UBE2L3: variants seen among roughly 807,000 people sequenced by gnomAD.
UBE2L3 encodes ubiquitin conjugating enzyme E2 L3, also known as ubiquitin-conjugating enzyme E2 L3.
Under a neutral mutation model 17.8 loss-of-function variants are expected in UBE2L3, and 1 was observed. The ratio of observed to expected loss-of-function variants is 0.06; its 90% CI spans 0.02 to 0.27. The LOEUF (loss-of-function observed/expected upper bound fraction) is 0.27, where lower values mean the gene tolerates loss of function less well. UBE2L3 is among the 10% of genes least tolerant of loss of function. UBE2L3 has a pLI of 1.00. For missense variants in UBE2L3, 40 were observed against 192.6 expected (o/e 0.21, Z 4.69); for synonymous variants, 44 against 68.5 (o/e 0.64, Z 1.76).
At chr22:21,557,215 A>T (rs1329939542) in intron 1 of UBE2L3, among the ~76,000 whole-genome samples, 2 of 152,182 alleles carry the variant, frequency 1.3e-5, no homozygotes, top group African/African-American at 4.8e-5. Context: ...AAAATTACAA[A>T]ATTTAGCCTG....
At chr22:21,620,017 T>C (rs1929971143) in intron 3 of UBE2L3, among the ~76,000 whole-genome samples, 1 of 152,148 alleles carries the variant, frequency 6.6e-6, no homozygotes, top group Admixed American at 6.6e-5. Context: ...ATTGACCAGG[T>C]GCAGTGGCTT....
chr22:21,600,669 C>G (rs1462348601), intron 2 of UBE2L3, among the ~76,000 whole-genome samples: 1 of 152,068 alleles, frequency 6.6e-6, no homozygotes, highest in Non-Finnish European at 1.5e-5. Flanking sequence ...GCACTCCAGC[C>G]TGGGCGACAG....
In UBE2L3 at chr22:21,622,019, C is replaced by T. The variant is rs2148452700; in HGVS notation, c.*350C>T. ...AAAGGAAAAAAAACGGTTGTGGTTC[C>T]CTTTCTTCCCTACCCTTGCCACTCC... On this transcript the variant is annotated 3_prime_UTR_variant, in exon 4 of 4. Coordinates refer to ENST00000342192, the MANE Select transcript of UBE2L3 (RefSeq NM_003347.4). 4.7e-6 allele frequency: 1 copy of T among 212,954 alleles called. No individual in the cohort carries two copies. 13.2% of individuals were successfully genotyped at this position (212,954 alleles called of 1,614,324 possible).
intron 1 of UBE2L3, among the ~76,000 whole-genome samples, chr22:21,583,209 A>G (rs1927742056): frequency 6.6e-6 from 1 of 152,116 alleles, no homozygotes; most frequent in Non-Finnish European, 1.5e-5. Context: ...GTTCTCTAGC[A>G]GTTCTGTCTT....
chr22:21,617,102 G>A (rs564993390), intron 3 of UBE2L3, among the ~76,000 whole-genome samples: 3 of 146,372 alleles, frequency 2.0e-5, no homozygotes, highest in South Asian at 4.3e-4. Context: ...CCCAGCTGCT[G>A]CCACTGCACT....
chr22:21,587,223 G>A (rs891948498), intron 1 of UBE2L3, among the ~76,000 whole-genome samples: 1 of 149,670 alleles, frequency 6.7e-6, no homozygotes, highest in Non-Finnish European at 1.5e-5. Context: ...ACGAAGTCTT[G>A]CTCTGTCACC....
chr22:21,593,260 A>G (rs1928355636), intron 2 of UBE2L3, among the ~76,000 whole-genome samples: 1 of 152,100 alleles, frequency 6.6e-6, no homozygotes, highest in Admixed American at 6.6e-5. Flanking sequence ...GGCCTGATGG[A>G]TCAGCAGGAC....
At chr22:21,599,430 T>C (rs908693649) in intron 2 of UBE2L3, among the ~76,000 whole-genome samples, 1 of 152,076 alleles carries the variant, frequency 6.6e-6, no homozygotes, top group African/African-American at 2.4e-5. Flanking sequence ...ATGGGGCTGT[T>C]GAGCTCCTAT....
chr22:21,567,760 A>C lies in UBE2L3; in HGVS notation c.16A>C (p.Arg6=), dbSNP rs760970510. The C allele has an allele frequency of 2.3e-5, 37 of 1,583,714 alleles. No individual in the cohort carries two copies. The highest frequency in any genetic ancestry group is 1.2e-4 in the South Asian group (10 of 86,342). Residue 6 remains arginine (R), a synonymous_variant, in exon 1 of 4, where the codon AGG becomes CGG. Transcript: ENST00000342192. Reference sequence around the variant, plus strand: ...CAAATCCAAGATGGCGGCCAGCAGGAGGCTGATGAAGGTAAAAGCCATTCT... The same window carrying C: ...CAAATCCAAGATGGCGGCCAGCAGGCGGCTGATGAAGGTAAAAGCCATTCT... MAASR[R]LMKELEEIRK...
At chr22:21,617,275 TTTTGTTG>T (rs1691523868) in intron 3 of UBE2L3, among the ~76,000 whole-genome samples, 1 of 152,074 alleles carries the variant, frequency 6.6e-6, no homozygotes, top group Non-Finnish European at 1.5e-5. Context: ...GTTTTTTGTT[TTTTGTTG>T]GGGGGACAGA....
chr22:21,604,936 C>CT (rs955904112), intron 2 of UBE2L3, among the ~76,000 whole-genome samples: 1 of 152,138 alleles, frequency 6.6e-6, no homozygotes, highest in South Asian at 2.1e-4. Flanking sequence ...AGAACTGCTT[C>CT]TTTTTTTTCC....
At position 21,597,432 on chromosome 22, in the gene UBE2L3, T is replaced by C. The variant is rs562736617; in HGVS notation, c.123+4476T>C. 8.5e-5 allele frequency among the ~76,000 whole-genome samples: 13 copies of C among 152,166 alleles called. No homozygotes were observed. The South Asian group carries it at 2.7e-3, about 32-fold the overall frequency. ...AGCAGTCTTCCCAAGTAGCTGGCAC[T>C]ATAGGCACATGCTGCAACCCCCAGC... On this transcript the variant is annotated intron_variant, in intron 2 of 3. Coordinates refer to ENST00000342192, the MANE Select transcript of UBE2L3 (RefSeq NM_003347.4).
At chr22:21,559,796 G>A (rs1926366058) in intron 1 of UBE2L3, among the ~76,000 whole-genome samples, 2 of 152,178 alleles carry the variant, frequency 1.3e-5, no homozygotes, top group Admixed American at 1.3e-4. Flanking sequence ...TCGTTTGAGG[G>A]TGCAGGGAGG....
In UBE2L3 at chr22:21,592,884, T is replaced by C; in HGVS notation, c.51T>C (p.Cys17=). The change falls in exon 2 of 4, where the codon TGT becomes TGC. Residue 17 remains cysteine (C), a synonymous_variant. Transcript: ENST00000342192. The part of the protein sequence containing the change: ...LMKELEEIRK[C]GMKNFRNIQV... ...AGGAGCTTGAAGAAATCCGCAAATG[T>C]GGGATGAAAAACTTCCGTAACATCC... 6.2e-7 allele frequency: 1 copy of C among 1,613,476 alleles called. No individual in the cohort carries two copies. The highest frequency in any genetic ancestry group is 8.5e-7 in the Non-Finnish European group (1 of 1,179,976).
chr22:21,601,967 CA>C (rs781689880), intron 2 of UBE2L3, among the ~76,000 whole-genome samples: 4,076 of 104,462 alleles, frequency 0.039, 134 homozygotes, highest in South Asian at 0.13. Flanking sequence ...GACTCCATCT[CA>C]AAAAAAAAAA....
chr22:21,575,725 C>T (rs1471856033), intron 1 of UBE2L3, among the ~76,000 whole-genome samples: 1 of 139,640 alleles, frequency 7.2e-6, no homozygotes, highest in Non-Finnish European at 1.5e-5. Context: ...TCACTGCAAC[C>T]TCTGCCTCCC....
intron 1 of UBE2L3, among the ~76,000 whole-genome samples, chr22:21,558,089 G>C (rs1384861705): frequency 4.6e-5 from 7 of 150,842 alleles, no homozygotes; most frequent in Admixed American, 2.0e-4. Context: ...TACAACCCCA[G>C]TCTATGACTT....
chr22:21,568,155 C>G, intron 1 of UBE2L3: 1 of 1,018,742 alleles, frequency 9.8e-7, no homozygotes, highest in Non-Finnish European at 1.2e-6. Flanking sequence ...GCCGGAGCCC[C>G]TGCCCGGAGC....
At chr22:21,580,247 T>G (rs1337397511) in intron 1 of UBE2L3, among the ~76,000 whole-genome samples, 1 of 152,128 alleles carries the variant, frequency 6.6e-6, no homozygotes, top group African/African-American at 2.4e-5. Context: ...CTATACAAGT[T>G]CTTTGACTTG....
Sources: allele counts gnomAD v4.1 joint callset (sites outside exome capture counted in the v4.1 genomes callset), GRCh38; gene constraint gnomAD v4.1.1; transcripts MANE v1.5; gene names NCBI Gene and HGNC (gene_info 2026-07-23, HGNC 2026-07-21).